The following ETNK1 variants were observed in gnomAD, a reference collection of about 807,000 sequenced individuals.
The protein encoded by ETNK1 is ethanolamine kinase 1.
ETNK1 carries 8 observed loss-of-function variants against 45.1 expected under a neutral mutation model. The observed-to-expected ratio is 0.18, with a 90% CI of 0.10 to 0.32. The LOEUF (loss-of-function observed/expected upper bound fraction) is 0.32, where lower values mean the gene tolerates loss of function less well. Among genes scored for constraint, ETNK1 ranks in the 10% least tolerant of loss-of-function variants. The probability of loss-of-function intolerance (pLI) is 1.00; values close to 1 mark genes in which losing one functional copy is unlikely to be tolerated. For synonymous variants in ETNK1, 152 were observed against 151.9 expected (o/e 1.00, Z -0.01); for missense variants, 302 against 430.6 (o/e 0.70, Z 2.64).
chr12:22,629,357 T>C (rs1953545599), intron 1 of ETNK1, among the ~76,000 whole-genome samples: 1 of 152,184 alleles, frequency 6.6e-6, no homozygotes, highest in South Asian at 2.1e-4. Flanking sequence ...GAATGCATAT[T>C]TTAAAAAATC....
chr12:22,686,096 C>T lies in ETNK1; in HGVS notation c.*1142C>T, dbSNP rs1954258375. 1 of 152,274 alleles carries T rather than the reference C, an allele frequency of 6.6e-6. No individual in the cohort carries two copies. The highest frequency in any genetic ancestry group is 6.6e-5 in the Admixed American group (1 of 15,234). The allele number at this position is 152,274 out of a possible 1,614,324, so 9.4% of individuals were successfully genotyped here. A position where few individuals can be genotyped will look rare whatever the true frequency, so the allele number is the denominator to read the frequency against. ...GAACACTTAGGGCATTGATCTTGTA[C>T]ACTTAAAATCTGACAAATGACAAAA... On this transcript the variant is annotated 3_prime_UTR_variant, in exon 8 of 8. Transcript: ENST00000266517.
chr12:22,661,539 G>A (rs1953999139), intron 4 of ETNK1, among the ~76,000 whole-genome samples: 2 of 152,236 alleles, frequency 1.3e-5, no homozygotes, highest in East Asian at 1.9e-4. Flanking sequence ...GTACCTGCTT[G>A]TAATGGGGGA....
chr12:22,682,778 T>C (rs1954225220), intron 6 of ETNK1, among the ~76,000 whole-genome samples: 1 of 152,158 alleles, frequency 6.6e-6, no homozygotes, highest in Non-Finnish European at 1.5e-5. Flanking sequence ...TTTGAACCAT[T>C]GGTGCAAATG....
Position 22,671,354 on chromosome 12 carries a change from A to C in ETNK1, c.783A>C (p.Ala261=). 6.4e-7 allele frequency: 1 copy of C among 1,561,286 alleles called. No homozygotes were observed. Among genetic ancestry groups the C allele is most frequent in the Non-Finnish European group, 8.8e-7 (1 of 1,132,684 alleles). ...YDIGNHFNEF[A]GVSDVDYSLY... Reference sequence around the variant, plus strand: ...TTGGAAATCATTTCAATGAATTTGCAGGTATAACTAATGGAGTAACTTATT... The same window carrying C: ...TTGGAAATCATTTCAATGAATTTGCCGGTATAACTAATGGAGTAACTTATT... The change falls in exon 5 of 8, where the codon GCA becomes GCC. Residue 261 remains alanine (A), a splice_region_variant and synonymous_variant. Coordinates refer to ENST00000266517, the MANE Select transcript of ETNK1 (RefSeq NM_018638.5).
At position 22,687,903 on chromosome 12, in the gene ETNK1, C is replaced by T. The variant is rs1954273297; in HGVS notation, c.*2949C>T. 1 of 152,158 alleles carries T rather than the reference C, an allele frequency of 6.6e-6. No individual in the cohort carries two copies. Among genetic ancestry groups the T allele is most frequent in the African/African-American group, 2.4e-5 (1 of 41,364 alleles). 9.4% of individuals were successfully genotyped at this position (152,158 alleles called of 1,614,324 possible). A position where few individuals can be genotyped will look rare whatever the true frequency, so the allele number is the denominator to read the frequency against. The stretch of plus-strand genomic sequence containing the variant: ...TGGCTACACAGTGAGATCACAGGAA[C>T]TGGAAATAGGGTTTGTCGGCTTTGG... On this transcript the variant is annotated 3_prime_UTR_variant, in exon 8 of 8. Transcript: ENST00000266517.
At chr12:22,661,249 T>C in intron 4 of ETNK1, 44 bp downstream of exon 4, 1 of 1,516,316 alleles carries the variant, frequency 6.6e-7, no homozygotes, top group Non-Finnish European at 8.9e-7. Flanking sequence ...ATTTCTTTTA[T>C]GTTCTTAATG....
chr12:22,631,822 ATT>A (rs1953584070), intron 1 of ETNK1, among the ~76,000 whole-genome samples: 1 of 152,128 alleles, frequency 6.6e-6, no homozygotes, highest in Admixed American at 6.5e-5. Flanking sequence ...CAGAGGTTCT[ATT>A]TCTCTTTATT....
At chr12:22,660,081 A>G (rs1953984686) in intron 3 of ETNK1, among the ~76,000 whole-genome samples, 1 of 151,228 alleles carries the variant, frequency 6.6e-6, no homozygotes. Context: ...CAGTCATACC[A>G]TTTTGAAAAG....
At chr12:22,628,147 A>C (rs1953530124) in intron 1 of ETNK1, among the ~76,000 whole-genome samples, 1 of 152,206 alleles carries the variant, frequency 6.6e-6, no homozygotes, top group South Asian at 2.1e-4. Context: ...TTTATAAAGC[A>C]CTTTCACATG....
intron 1 of ETNK1, among the ~76,000 whole-genome samples, chr12:22,633,661 A>G (rs910436739): frequency 2.6e-5 from 4 of 152,188 alleles, no homozygotes; most frequent in Non-Finnish European, 5.9e-5. Flanking sequence ...TTTTAACAAT[A>G]TTGAATCTTA....
intron 2 of ETNK1, among the ~76,000 whole-genome samples, chr12:22,646,390 C>T (rs1048603846): frequency 6.6e-6 from 1 of 151,640 alleles, no homozygotes; most frequent in Non-Finnish European, 1.5e-5. Context: ...AGACCATGGT[C>T]TGGAGCCCCA....
At chr12:22,654,875 T>C (rs1281970496) in intron 2 of ETNK1, among the ~76,000 whole-genome samples, 1 of 152,242 alleles carries the variant, frequency 6.6e-6, no homozygotes, top group Non-Finnish European at 1.5e-5. Flanking sequence ...TAATTGTATT[T>C]GATACATTTT....
intron 6 of ETNK1, among the ~76,000 whole-genome samples, chr12:22,679,723 T>C (rs1001193557): frequency 2.7e-5 from 4 of 147,438 alleles, no homozygotes; most frequent in Non-Finnish European, 6.0e-5. Flanking sequence ...TTTTTTGATA[T>C]GGAGTCTCAC....
rs1954191712 is a variant in ETNK1 at position 22,679,377 on chromosome 12, A to C, written c.946-5106A>C. 2.0e-5 allele frequency among the ~76,000 whole-genome samples: 3 copies of C among 152,260 alleles called. No individual in the cohort carries two copies. The South Asian group carries it at 6.2e-4, about 32-fold the overall frequency. ...AGGAAGCCAGAAAACCCAGCAAGCA[A>C]AGTTATCCTACCTTCTTCTGCCTGC... On this transcript the variant is annotated intron_variant, in intron 6 of 7. Transcript: ENST00000266517.
At position 22,686,851 on chromosome 12, in the gene ETNK1, A is replaced by ATTTTTTTTTTTT. The variant is rs3983448; in HGVS notation, c.*1914_*1925dup. The ATTTTTTTTTTTT allele has an allele frequency of 4.9e-4, 34 of 69,262 alleles. 1 individual carries two copies. Among genetic ancestry groups the ATTTTTTTTTTTT allele is most frequent in the East Asian group, 7.1e-4 (2 of 2,830 alleles). The allele number at this position is 69,262 out of a possible 1,614,324, so 4.3% of individuals were successfully genotyped here. A position where few individuals can be genotyped will look rare whatever the true frequency, so the allele number is the denominator to read the frequency against. ...AGATAAAGAATGTGTAATACTCTTA[A>ATTTTTTTTTTTT]TTTTTTTTTTTTTTTTTTTTTTTTT... On this transcript the variant is annotated 3_prime_UTR_variant, in exon 8 of 8. Coordinates refer to ENST00000266517, the MANE Select transcript of ETNK1 (RefSeq NM_018638.5).
Position 22,686,986 on chromosome 12 carries a change from T to C in ETNK1, c.*2032T>C, listed in dbSNP as rs771375399. 2.0e-5 allele frequency: 3 copies of C among 150,340 alleles called. No homozygotes were observed. The highest frequency in any genetic ancestry group is 4.4e-5 in the Non-Finnish European group (3 of 67,466). The allele number at this position is 150,340 out of a possible 1,614,324, so 9.3% of individuals were successfully genotyped here. ...TATTCTTACTTCAAACTATTTTGAATAGAGGTTCACTGAGCCATTGCTGAT... is the reference window on the plus strand; with the variant it reads ...TATTCTTACTTCAAACTATTTTGAACAGAGGTTCACTGAGCCATTGCTGAT... On this transcript the variant is annotated 3_prime_UTR_variant, in exon 8 of 8. Transcript: ENST00000266517.
intron 1 of ETNK1, among the ~76,000 whole-genome samples, chr12:22,630,014 A>C (rs1053879352): frequency 6.6e-6 from 1 of 152,210 alleles, no homozygotes; most frequent in Non-Finnish European, 1.5e-5. Flanking sequence ...ACAGGAGCCT[A>C]AAGTGCTAGT....
At chr12:22,670,864 G>A (rs1449221121) in intron 4 of ETNK1, among the ~76,000 whole-genome samples, 1 of 152,062 alleles carries the variant, frequency 6.6e-6, no homozygotes, top group African/African-American at 2.4e-5. Flanking sequence ...TTTACTGTTG[G>A]AGTATCATAA....
At chr12:22,628,957 A>G (rs1270795977) in intron 1 of ETNK1, among the ~76,000 whole-genome samples, 2 of 152,138 alleles carry the variant, frequency 1.3e-5, no homozygotes, top group Non-Finnish European at 2.9e-5. Context: ...GGGTTTGAAC[A>G]CAGTGCTAGT....
Sources: gnomAD v4.1 joint callset for allele counts (sites outside exome capture counted in the v4.1 genomes callset) on GRCh38, gnomAD v4.1.1 for gene constraint, MANE v1.5 for transcripts, NCBI Gene and HGNC (gene_info 2026-07-23, HGNC 2026-07-21) for gene names.